The following SLC24A3 variants were observed in gnomAD, a reference collection of about 807,000 sequenced individuals.
SLC24A3 encodes solute carrier family 24 member 3, also known as sodium/potassium/calcium exchanger 3.
In SLC24A3, 28 loss-of-function variants were observed where a neutral mutation model predicts 75.8. The observed-to-expected ratio is 0.37, with a 90% confidence interval of 0.27 to 0.51. The LOEUF is 0.51. SLC24A3 is among the 20% of genes least tolerant of loss of function. SLC24A3 has a pLI of 0.94. For missense variants in SLC24A3, 663 were observed against 847.8 expected (o/e 0.78, Z 2.71); for synonymous variants, 372 against 334.1 (o/e 1.11, Z -1.24).
intron 12 of SLC24A3, among the ~76,000 whole-genome samples, chr20:19,690,700 C>T (rs1237406005): frequency 6.6e-6 from 1 of 152,168 alleles, no homozygotes; most frequent in African/African-American, 2.4e-5. Flanking sequence ...CTGGCCATAT[C>T]CTGGATTCTG....
intron 2 of SLC24A3, among the ~76,000 whole-genome samples, chr20:19,415,851 TTA>T (rs370007160): frequency 0.56 from 84,500 of 151,924 alleles, 24,319 homozygotes; most frequent in East Asian, 0.91. Context: ...ATGTCTTAAA[TTA>T]AATGTCTTAA....
intron 1 of SLC24A3, among the ~76,000 whole-genome samples, chr20:19,227,116 C>T (rs1266748814): frequency 2.0e-5 from 3 of 152,142 alleles, no homozygotes; most frequent in South Asian, 2.1e-4. Context: ...GAGCTCAATT[C>T]GATGTTCTGT....
chr20:19,695,381 G>A (rs533046940), intron 13 of SLC24A3: 1 of 152,334 alleles, frequency 6.6e-6, no homozygotes, highest in East Asian at 1.9e-4. Flanking sequence ...CAACTCTTGT[G>A]AGTTATCTTC....
At chr20:19,411,965 A>G (rs1049945340) in intron 2 of SLC24A3, among the ~76,000 whole-genome samples, 6 of 152,074 alleles carry the variant, frequency 3.9e-5, no homozygotes, top group South Asian at 4.1e-4. Context: ...ATAGTCCCCA[A>G]CCCCAGCCCT....
chr20:19,434,888 C>A (rs1987171021), intron 2 of SLC24A3, among the ~76,000 whole-genome samples: 1 of 152,100 alleles, frequency 6.6e-6, no homozygotes, highest in Non-Finnish European at 1.5e-5. Context: ...TACAGGGATT[C>A]TGTCTCTTAC....
chr20:19,218,682 C>A (rs943247210), intron 1 of SLC24A3, among the ~76,000 whole-genome samples: 7 of 151,780 alleles, frequency 4.6e-5, no homozygotes, highest in African/African-American at 1.2e-4. Context: ...AGCCTCAAAT[C>A]CTTGTGGGAA....
chr20:19,599,985 A>C (rs866281418), intron 6 of SLC24A3, among the ~76,000 whole-genome samples: 31 of 152,232 alleles, frequency 2.0e-4, no homozygotes, highest in Middle Eastern at 6.8e-3. Context: ...TGTTTTGGAA[A>C]CATGTTGGCG....
At chr20:19,323,902 C>A (rs148404374) in intron 2 of SLC24A3, among the ~76,000 whole-genome samples, 51 of 152,294 alleles carry the variant, frequency 3.3e-4, no homozygotes, top group African/African-American at 1.2e-3. Flanking sequence ...TTATCATCAG[C>A]AGCATCATTA....
intron 6 of SLC24A3, among the ~76,000 whole-genome samples, chr20:19,651,852 C>A (rs1418827238): frequency 7.8e-6 from 1 of 128,696 alleles, no homozygotes; most frequent in Non-Finnish European, 1.7e-5. Context: ...CAGAGAGAGA[C>A]TCCATCTCAA....
At chr20:19,654,231 C>CG in intron 7 of SLC24A3, 95 bp downstream of exon 7, 2 of 1,134,224 alleles carry the variant, frequency 1.8e-6, no homozygotes, top group Middle Eastern at 2.2e-4. Flanking sequence ...TCGAGGTCAC[C>CG]GGTGGCGAGT....
chr20:19,358,461 C>T (rs187752526), intron 2 of SLC24A3, among the ~76,000 whole-genome samples: 1 of 152,270 alleles, frequency 6.6e-6, no homozygotes, highest in African/African-American at 2.4e-5. Context: ...CAACCCTGAC[C>T]AAGTCATTAA....
chr20:19,657,870 A>AT (rs1294374861), intron 7 of SLC24A3, among the ~76,000 whole-genome samples: 2 of 152,196 alleles, frequency 1.3e-5, no homozygotes, highest in Non-Finnish European at 2.9e-5. Context: ...CTTAGGTAAT[A>AT]CTAAGTTTCT....
chr20:19,614,010 G>A (rs560863075), intron 6 of SLC24A3, among the ~76,000 whole-genome samples: 46 of 152,272 alleles, frequency 3.0e-4, no homozygotes, highest in Admixed American at 1.3e-3. Context: ...TCTCTTATGC[G>A]GGGGCTGGCT....
chr20:19,454,444 T>G (rs1304995827), intron 2 of SLC24A3, among the ~76,000 whole-genome samples: 1 of 152,218 alleles, frequency 6.6e-6, no homozygotes, highest in Non-Finnish European at 1.5e-5. Flanking sequence ...ATGCTATCAT[T>G]TTAGGCCAGA....
intron 2 of SLC24A3, among the ~76,000 whole-genome samples, chr20:19,430,035 G>A (rs1403935670): frequency 1.3e-5 from 2 of 152,162 alleles, no homozygotes; most frequent in Non-Finnish European, 2.9e-5. Context: ...TGGGGAAGCC[G>A]CTGGGAACTG....
intron 15 of SLC24A3, 93 bp from the exon 16 acceptor site, chr20:19,717,435 C>G (rs2033055951): frequency 7.9e-7 from 1 of 1,266,540 alleles, no homozygotes; most frequent in Admixed American, 1.9e-5. Context: ...ATCACTGCTA[C>G]TCAGAGTTGC....
At chr20:19,684,118 GC>G in intron 10 of SLC24A3, 57 bp from the exon 11 acceptor site, 27 of 1,557,288 alleles carry the variant, frequency 1.7e-5, no homozygotes, top group Non-Finnish European at 2.4e-5. Context: ...ATAAATGAAT[GC>G]CTCTTTCCTG....
chr20:19,588,058 T>G (rs991369540), intron 6 of SLC24A3, among the ~76,000 whole-genome samples: 3 of 152,144 alleles, frequency 2.0e-5, no homozygotes, highest in Non-Finnish European at 4.4e-5. Flanking sequence ...GGAGAAGGTC[T>G]TCTAAATGTA....
chr20:19,457,972 T>C (rs1382046154), intron 2 of SLC24A3, among the ~76,000 whole-genome samples: 1 of 152,162 alleles, frequency 6.6e-6, no homozygotes, highest in African/African-American at 2.4e-5. Context: ...CGTTGATGAA[T>C]TCCTTCCCCA....
Sources: allele counts gnomAD v4.1 joint callset (sites outside exome capture counted in the v4.1 genomes callset), GRCh38; gene constraint gnomAD v4.1.1; transcripts MANE v1.5; gene names NCBI Gene and HGNC (gene_info 2026-07-23, HGNC 2026-07-21).